TTC27: variants seen among roughly 807,000 people sequenced by gnomAD.
The protein encoded by TTC27 is tetratricopeptide repeat domain 27.
In TTC27, 79 loss-of-function variants were observed where a neutral mutation model predicts 115.9. That is an observed-to-expected ratio of 0.68 (90% CI 0.57 to 0.82). TTC27 has a LOEUF of 0.82. Among genes scored for constraint, TTC27 ranks in the 40% least tolerant of loss-of-function variants. The pLI, the probability that TTC27 is intolerant of heterozygous loss-of-function variation, is 0.00. For missense variants in TTC27, 1,054 were observed against 993.1 expected (o/e 1.06, Z -0.82); for synonymous variants, 401 against 356.0 (o/e 1.13, Z -1.42).
intron 7 of TTC27, 40 bp downstream of exon 7, chr2:32,666,808 G>C (rs767592392): frequency 6.2e-7 from 1 of 1,601,098 alleles, no homozygotes; most frequent in African/African-American, 1.3e-5. Context: ...ATTAACACCT[G>C]AGTCTAAGAA....
intron 18 of TTC27, among the ~76,000 whole-genome samples, chr2:32,814,396 C>T (rs1459952242): frequency 6.6e-6 from 1 of 152,154 alleles, no homozygotes; most frequent in African/African-American, 2.4e-5. Flanking sequence ...ACATTTTAAG[C>T]GTATTTGAGT....
At chr2:32,769,450 G>A (rs889931083) in intron 13 of TTC27, among the ~76,000 whole-genome samples, 4 of 152,190 alleles carry the variant, frequency 2.6e-5, no homozygotes, top group African/African-American at 2.4e-5. Context: ...TTAGGAGCAC[G>A]TCAGAGAGAT....
At chr2:32,789,466 C>T (rs966087407) in intron 16 of TTC27, among the ~76,000 whole-genome samples, 1 of 151,500 alleles carries the variant, frequency 6.6e-6, no homozygotes. Context: ...TTAGAATTAT[C>T]TATTGGTAGT....
At chr2:32,802,425 A>AC (rs1670981484) in intron 16 of TTC27, among the ~76,000 whole-genome samples, 1 of 151,842 alleles carries the variant, frequency 6.6e-6, no homozygotes, top group African/African-American at 2.4e-5. Flanking sequence ...TCCTATTATC[A>AC]CCCCCATTTC....
At chr2:32,790,628 G>A (rs1003686386) in intron 16 of TTC27, among the ~76,000 whole-genome samples, 1 of 152,174 alleles carries the variant, frequency 6.6e-6, no homozygotes, top group African/African-American at 2.4e-5. Context: ...ATCATTGACT[G>A]TAGTCACTAT....
intron 9 of TTC27, among the ~76,000 whole-genome samples, chr2:32,686,916 C>G (rs1404313384): frequency 6.6e-6 from 1 of 152,192 alleles, no homozygotes; most frequent in African/African-American, 2.4e-5. Flanking sequence ...ACAATCTTGG[C>G]TCACTGCAAC....
At position 32,678,889 on chromosome 2, in the gene TTC27, A is replaced by G; in HGVS notation, c.1086A>G (p.Thr362=). Residue 362 remains threonine, a synonymous_variant, in exon 9 of 20, where the codon ACA becomes ACG. Coordinates refer to ENST00000317907, the MANE Select transcript of TTC27 (RefSeq NM_017735.5). ...TTCAAAAGAATAACCCAGTGCACAC[A>G]TTAACTGAAGTGGAGCTTCTGGCAT... is the stretch of plus-strand genomic sequence containing the variant. ...TNFQKNNPVH[T]LTEVELLAFT... The G allele has an allele frequency of 2.5e-6, 4 of 1,613,656 alleles. No homozygotes were observed. Among genetic ancestry groups the G allele is most frequent in the Non-Finnish European group, 3.4e-6 (4 of 1,179,744 alleles).
chr2:32,774,906 G>A (rs1390731519), intron 13 of TTC27, among the ~76,000 whole-genome samples: 1 of 152,124 alleles, frequency 6.6e-6, no homozygotes, highest in Non-Finnish European at 1.5e-5. Context: ...CCAATGCAAA[G>A]TATTAAAACA....
chr2:32,789,283 A>G (rs1454780692), intron 16 of TTC27, among the ~76,000 whole-genome samples: 1 of 152,234 alleles, frequency 6.6e-6, no homozygotes, highest in Non-Finnish European at 1.5e-5. Flanking sequence ...AAGTGGTTAC[A>G]ATAGCTGAAA....
intron 3 of TTC27, among the ~76,000 whole-genome samples, chr2:32,636,529 G>C (rs1425314453): frequency 1.3e-5 from 2 of 151,980 alleles, no homozygotes; most frequent in Non-Finnish European, 2.9e-5. Flanking sequence ...CACATTTCTT[G>C]TGCCAATTTG....
intron 16 of TTC27, among the ~76,000 whole-genome samples, chr2:32,790,105 A>C (rs996860698): frequency 6.6e-6 from 1 of 151,900 alleles, no homozygotes; most frequent in Non-Finnish European, 1.5e-5. Context: ...TTTTATCTTA[A>C]GTAGATTTTT....
chr2:32,628,253 C>T lies in TTC27; in HGVS notation c.-40C>T. The T allele has an allele frequency of 6.3e-7, 1 of 1,579,118 alleles. No homozygotes were observed. Among genetic ancestry groups the T allele is most frequent in the South Asian group, 1.2e-5 (1 of 86,422 alleles). On this transcript the variant is annotated 5_prime_UTR_variant, in exon 1 of 20. Coordinates refer to ENST00000317907, the MANE Select transcript of TTC27 (RefSeq NM_017735.5). ...TTCTTTTGTTGACTCCCGTGTGGCC[C>T]TCGTGGGAGCCTGTTTTGGCTGCAG...
Position 32,817,486 on chromosome 2 carries a change from A to G in TTC27, c.2338A>G (p.Ser780Gly), listed in dbSNP as rs200361264. 3.0e-4 allele frequency: 492 copies of G among 1,614,112 alleles called. 4 individuals are homozygous for G. The South Asian group carries it at 5.1e-3, about 17-fold the overall frequency. ...VAIKCSKNKS[S>G]SQEAVQMLSS... ...CATAAAATGCAGTAAAAACAAATCC[A>G]GTTCCCAAGAAGCTGTACAAATGCT... The change falls in exon 19 of 20, where the codon AGT becomes GGT. Residue 780 changes from serine to glycine, a missense_variant. Physicochemically the swap from Ser to Gly is moderately conservative, Grantham distance 56. Coordinates refer to ENST00000317907, the MANE Select transcript of TTC27 (RefSeq NM_017735.5).
intron 18 of TTC27, among the ~76,000 whole-genome samples, chr2:32,814,759 C>T (rs1463387): frequency 0.2 from 31,111 of 151,996 alleles, 3,276 homozygotes; most frequent in Admixed American, 0.26. Context: ...AGGGTTGTAG[C>T]CTAGGAGTAG....
chr2:32,692,036 G>GTTTTTTTTTTTGTT (rs1666831349), intron 9 of TTC27, among the ~76,000 whole-genome samples: 1 of 61,188 alleles, frequency 1.6e-5, no homozygotes, highest in Admixed American at 2.8e-4. Flanking sequence ...AATTTTTTAG[G>GTTTTTTTTTTTGTT]TTTTTTTTTT....
At chr2:32,649,593 A>G (rs1665006704) in intron 4 of TTC27, among the ~76,000 whole-genome samples, 1 of 149,902 alleles carries the variant, frequency 6.7e-6, no homozygotes, top group Non-Finnish European at 1.5e-5. Flanking sequence ...TGCCCAGGCT[A>G]GAGTGCAATG....
intron 8 of TTC27, among the ~76,000 whole-genome samples, chr2:32,673,141 A>C (rs1363239258): frequency 6.7e-6 from 1 of 149,072 alleles, no homozygotes; most frequent in Admixed American, 6.7e-5. Flanking sequence ...GACACTTGAA[A>C]TTTACAAGTC....
At position 32,691,207 on chromosome 2, in the gene TTC27, G is replaced by A. The variant is rs78201262; in HGVS notation, c.1120-11600G>A. Reference sequence around the variant, plus strand: ...GAATTTTCTTTGCTACTTTTCTGGGGCATGAGGGAAATGCCCATACAGTGG... The same window carrying A: ...GAATTTTCTTTGCTACTTTTCTGGGACATGAGGGAAATGCCCATACAGTGG... On this transcript the variant is annotated intron_variant, in intron 9 of 19. Coordinates refer to ENST00000317907, the MANE Select transcript of TTC27 (RefSeq NM_017735.5). Among the ~76,000 whole-genome samples, 1,281 of 152,220 alleles carry A rather than the reference G, an allele frequency of 8.4e-3. 9 individuals carry two copies. Among genetic ancestry groups the A allele is most frequent in the Admixed American group, 0.015 (229 of 15,284 alleles).
intron 12 of TTC27, among the ~76,000 whole-genome samples, chr2:32,751,139 A>G (rs548058194): frequency 6.6e-6 from 1 of 152,244 alleles, no homozygotes; most frequent in South Asian, 2.1e-4. Context: ...ATTCCAGCAA[A>G]GAGATCATGT....
Sources: allele counts gnomAD v4.1 joint callset (sites outside exome capture counted in the v4.1 genomes callset), GRCh38; gene constraint gnomAD v4.1.1; transcripts MANE v1.5; gene names NCBI Gene and HGNC (gene_info 2026-07-23, HGNC 2026-07-21).